Variants in NHSL1 observed in about 807,000 individuals in gnomAD.
NHSL1 encodes NHS like 1.
A neutral mutation model predicts 95.0 loss-of-function variants in NHSL1; 48 were observed. The observed-to-expected ratio is 0.51, with a 90% CI of 0.40 to 0.64. The LOEUF is 0.64. Among genes scored for constraint, NHSL1 ranks in the 30% least tolerant of loss-of-function variants. The probability of loss-of-function intolerance (pLI) is 0.00; values close to 1 mark genes in which losing one functional copy is unlikely to be tolerated. For missense variants in NHSL1, 1,971 were observed against 2,077.7 expected (o/e 0.95, Z 1.00); for synonymous variants, 783 against 833.9 (o/e 0.94, Z 1.05).
At chr6:138,555,554 T>TGTTTTC (rs1394050268) in intron 1 of NHSL1, among the ~76,000 whole-genome samples, 1 of 152,220 alleles carries the variant, frequency 6.6e-6, no homozygotes. Context: ...TTTTTGTTTT[T>TGTTTTC]GTTTTCTTTT....
At chr6:138,509,503 A>G (rs1781121198) in intron 1 of NHSL1, among the ~76,000 whole-genome samples, 1 of 152,224 alleles carries the variant, frequency 6.6e-6, no homozygotes, top group Admixed American at 6.5e-5. Flanking sequence ...AAAAAATGAG[A>G]GCAAAGGAAG....
chr6:138,599,689 T>C lies in NHSL1; in HGVS notation c.96+92787A>G, dbSNP rs140607888. Among the ~76,000 whole-genome samples, 301 of 152,150 alleles carry C rather than the reference T, an allele frequency of 2.0e-3. 1 individual carries two copies. The highest frequency in any genetic ancestry group is 6.9e-3 in the African/African-American group (286 of 41,484). ...CTTAAGATGATCAAATCACAAATGC[T>C]CAGTTAAGTCCAATCAGATCTCAAG... On this transcript the variant is annotated intron_variant, in intron 1 of 3. Transcript: ENST00000491526.
At chr6:138,506,913 TG>T (rs1239687521) in intron 1 of NHSL1, among the ~76,000 whole-genome samples, 3 of 152,230 alleles carry the variant, frequency 2.0e-5, no homozygotes, top group African/African-American at 7.2e-5. Context: ...TTCCTGCTGC[TG>T]GGCATTTATT....
At chr6:138,666,026 G>A (rs932731395) in intron 1 of NHSL1, among the ~76,000 whole-genome samples, 3 of 152,352 alleles carry the variant, frequency 2.0e-5, no homozygotes, top group African/African-American at 7.2e-5. Flanking sequence ...AGAATTGGCC[G>A]GGTGCAGTGG....
At chr6:138,617,753 C>T (rs1387386720) in intron 1 of NHSL1, among the ~76,000 whole-genome samples, 2 of 152,228 alleles carry the variant, frequency 1.3e-5, no homozygotes, top group Admixed American at 6.5e-5. Context: ...GCAGGTACTG[C>T]GTTCTCATTA....
At position 138,431,263 on chromosome 6, in the gene NHSL1, G is replaced by A. The variant is rs1353709237; in HGVS notation, c.3082C>T (p.Pro1028Ser). 4.0e-6 allele frequency: 6 copies of A among 1,507,326 alleles called. No homozygotes were observed. The highest frequency in any genetic ancestry group is 2.5e-5 in the East Asian group (1 of 40,492). 93.4% of individuals were successfully genotyped at this position (1,507,326 alleles called of 1,614,324 possible). Residue 1028 changes from proline (P) to serine (S), a missense_variant, in exon 6 of 8, where the codon CCC (proline) becomes TCC (serine). By Grantham distance (74) the Pro-to-Ser change is moderately conservative (BLOSUM62 -1). Coordinates refer to ENST00000343505, the MANE Select transcript of NHSL1 (RefSeq NM_001144060.2). This position sits in a 1 kb window ranked among gnomAD's most constrained non-coding sequence, Gnocchi z 4.0. The stretch of plus-strand genomic sequence containing the variant: ...GGCCTGGTGTCTTTCATGAATTTGG[G>A]GTCAAGAGGTGGGGCAGGTGGGGGT... Reference protein sequence around the residue: ...SEPPPAPPLDPKFMKDTRPPF... With the variant: ...SEPPPAPPLDSKFMKDTRPPF...
rs41289799 is a variant in NHSL1, at chr6:138,572,142, G to A, written c.-231C>T. ...AATGTTTTACCCTAGCCACATTGTG[G>A]ACTCCGTTTCTAGATCCGCGATATC... On this transcript the variant is annotated 5_prime_UTR_variant, in exon 1 of 7. Transcript: ENST00000427025. 5.8e-3 allele frequency: 2,653 copies of A among 460,228 alleles called. 19 individuals carry two copies. Among genetic ancestry groups the A allele is most frequent in the Middle Eastern group, 0.038 (66 of 1,748 alleles). The allele number at this position is 460,228 out of a possible 1,614,324, so 28.5% of individuals were successfully genotyped here. A position where few individuals can be genotyped will look rare whatever the true frequency, so the allele number is the denominator to read the frequency against.
chr6:138,651,240 A>G (rs891932311), intron 1 of NHSL1, among the ~76,000 whole-genome samples: 13 of 152,228 alleles, frequency 8.5e-5, no homozygotes, highest in African/African-American at 3.1e-4. Context: ...AAATTTGGAG[A>G]GGTCAAATCT....
At chr6:138,522,820 AG>A (rs1562346937) in intron 1 of NHSL1, among the ~76,000 whole-genome samples, 2 of 151,998 alleles carry the variant, frequency 1.3e-5, no homozygotes, top group South Asian at 4.2e-4. Context: ...AAAAAAAAAA[AG>A]TTTACTTTCT....
chr6:138,579,124 G>C (rs908997036), intron 1 of NHSL1, among the ~76,000 whole-genome samples: 4 of 152,202 alleles, frequency 2.6e-5, no homozygotes, highest in Non-Finnish European at 5.9e-5. Context: ...GCCGCTGCCT[G>C]TCTGACAGGA....
chr6:138,545,052 G>A (rs138776965), intron 1 of NHSL1, among the ~76,000 whole-genome samples: 4,135 of 141,312 alleles, frequency 0.029, 82 homozygotes, highest in South Asian at 0.054. Flanking sequence ...GTGCAGTGGC[G>A]CGATCTCGGC....
At chr6:138,655,608 T>A (rs1482259247) in intron 1 of NHSL1, among the ~76,000 whole-genome samples, 1 of 152,166 alleles carries the variant, frequency 6.6e-6, no homozygotes, top group Non-Finnish European at 1.5e-5. Flanking sequence ...TCAACAGCAA[T>A]AGTTGAAAAC....
chr6:138,499,026 G>A (rs532480235), intron 1 of NHSL1, among the ~76,000 whole-genome samples: 1 of 152,128 alleles, frequency 6.6e-6, no homozygotes, highest in African/African-American at 2.4e-5. Context: ...AAAAGTCTGA[G>A]GTATTTAAAC....
intron 1 of NHSL1, among the ~76,000 whole-genome samples, chr6:138,607,352 A>G (rs1784448714): frequency 2.0e-5 from 3 of 152,210 alleles, no homozygotes; most frequent in Admixed American, 2.0e-4. Context: ...GACAAAACCA[A>G]CCAAAAAAAC....
intron 1 of NHSL1, among the ~76,000 whole-genome samples, chr6:138,586,541 C>T (rs9389594): frequency 0.18 from 27,516 of 152,064 alleles, 3,162 homozygotes; most frequent in East Asian, 0.38. Context: ...TCAATATATG[C>T]TCAGCCACTT....
At chr6:138,537,987 A>C (rs7770719) in intron 1 of NHSL1, among the ~76,000 whole-genome samples, 333 of 152,322 alleles carry the variant, frequency 2.2e-3, no homozygotes, top group African/African-American at 7.6e-3. Context: ...TCAACACGCA[A>C]TGAAATAACA....
chr6:138,661,268 TCTC>T (rs1785223830), intron 1 of NHSL1, among the ~76,000 whole-genome samples: 1 of 152,060 alleles, frequency 6.6e-6, no homozygotes, highest in South Asian at 2.1e-4. Context: ...TTGACCAACA[TCTC>T]CTATTTCTCC....
chr6:138,475,857 A>G (rs1265722237), intron 2 of NHSL1, among the ~76,000 whole-genome samples: 1 of 152,076 alleles, frequency 6.6e-6, no homozygotes, highest in Admixed American at 6.6e-5. Context: ...CAGCTACTCC[A>G]TAGGCTGAGG....
In NHSL1 at chr6:138,432,140, G is replaced by A; in HGVS notation, c.2205C>T (p.Arg735=). The part of the protein sequence containing the change: ...CSDLEEPWLP[R]SRSQSTVSAG... ...CACTAACTGTGCTCTGGCTCCGGGA[G>A]CGGGGCAGCCAGGGCTCTTCCAAGT... The change falls in exon 6 of 8, where the codon CGC becomes CGT. Residue 735 remains arginine (R), a synonymous_variant. Transcript: ENST00000343505. The surrounding 1 kb of genome is among the most constrained non-coding windows in gnomAD (Gnocchi z 4.4). 6.5e-7 allele frequency: 1 copy of A among 1,549,492 alleles called. No individual in the cohort carries two copies. The highest frequency in any genetic ancestry group is 2.4e-5 in the East Asian group (1 of 40,864).
Sources: allele counts gnomAD v4.1 joint callset (sites outside exome capture counted in the v4.1 genomes callset), GRCh38; gene constraint gnomAD v4.1.1; non-coding constraint Gnocchi (gnomAD v3.1); transcripts MANE v1.5; gene names NCBI Gene and HGNC (gene_info 2026-07-23, HGNC 2026-07-21).